Variants in RBFOX1 observed in about 807,000 individuals in gnomAD.
RBFOX1 encodes the protein RNA binding fox-1 homolog 1.
Under a neutral mutation model 57.7 loss-of-function variants are expected in RBFOX1, and 8 were observed. The ratio of observed to expected loss-of-function variants is 0.14; its 90% CI spans 0.08 to 0.25. The LOEUF is 0.25. Ranked by LOEUF, RBFOX1 falls within the 10% of genes least tolerant of loss-of-function variation. The probability of loss-of-function intolerance (pLI) is 1.00; values close to 1 mark genes in which losing one functional copy is unlikely to be tolerated. For missense variants in RBFOX1, 611 were observed against 548.5 expected (o/e 1.11, Z -1.14); for synonymous variants, 326 against 222.4 (o/e 1.47, Z -4.15).
chr16:5,626,957 G>A (rs1023306238), intron 3 of RBFOX1, among the ~76,000 whole-genome samples: 53 of 152,258 alleles, frequency 3.5e-4, no homozygotes, highest in Middle Eastern at 3.4e-3. Flanking sequence ...GCCCCAGTCA[G>A]TTCAGATAAA....
At chr16:7,341,098 A>T (rs2096881993) in intron 4 of RBFOX1, among the ~76,000 whole-genome samples, 1 of 152,006 alleles carries the variant, frequency 6.6e-6, no homozygotes, top group South Asian at 2.1e-4. Flanking sequence ...GTGATTTATG[A>T]TGGAGATACT....
intron 15 of RBFOX1, chr16:7,709,741 T>C (rs1274413924): frequency 2.5e-5 from 9 of 365,916 alleles, no homozygotes; most frequent in Non-Finnish European, 3.1e-5. Context: ...TCTGGGTTTT[T>C]GTTTTGGGAG....
chr16:7,525,149 C>T (rs757133763), intron 5 of RBFOX1, among the ~76,000 whole-genome samples: 1 of 152,146 alleles, frequency 6.6e-6, no homozygotes, highest in African/African-American at 2.4e-5. Flanking sequence ...TATCATCTGT[C>T]TCTAATTCAA....
intron 1 of RBFOX1, among the ~76,000 whole-genome samples, chr16:6,277,087 C>G (rs1419615556): frequency 1.3e-5 from 2 of 152,148 alleles, no homozygotes; most frequent in African/African-American, 2.4e-5. Context: ...AATCCCATCT[C>G]AGTACTGTAC....
At chr16:7,204,807 A>ATTGG (rs1436333492) in intron 4 of RBFOX1, among the ~76,000 whole-genome samples, 2 of 151,780 alleles carry the variant, frequency 1.3e-5, no homozygotes, top group Non-Finnish European at 2.9e-5. Context: ...ATGCAAACTG[A>ATTGG]TTGGTAACTC....
chr16:6,859,340 A>T (rs910699507), intron 3 of RBFOX1, among the ~76,000 whole-genome samples: 1 of 151,540 alleles, frequency 6.6e-6, no homozygotes, highest in African/African-American at 2.4e-5. Flanking sequence ...GAAAGAGTCA[A>T]AAATTCTATG....
intron 3 of RBFOX1, among the ~76,000 whole-genome samples, chr16:6,689,967 T>C (rs139962349): frequency 2.2e-3 from 334 of 152,294 alleles, no homozygotes; most frequent in African/African-American, 7.5e-3. Context: ...CCCCAGAGTA[T>C]AAGGGCAAGC....
intron 2 of RBFOX1, among the ~76,000 whole-genome samples, chr16:6,608,170 C>G (rs10163344): frequency 0.011 from 1,618 of 152,114 alleles, 29 homozygotes; most frequent in African/African-American, 0.036. Context: ...CTTACCAGAC[C>G]TATTTTGAGT....
chr16:7,359,434 T>C (rs1417220801), intron 4 of RBFOX1, among the ~76,000 whole-genome samples: 1 of 152,166 alleles, frequency 6.6e-6, no homozygotes, highest in Non-Finnish European at 1.5e-5. Context: ...CTAGGGAAAA[T>C]AATTTACCTT....
rs558895142 is a variant in RBFOX1, at chr16:6,849,109, C to T, written c.-16+194459C>T. On this transcript the variant is annotated intron_variant, in intron 3 of 15. Coordinates refer to ENST00000550418, the MANE Select transcript of RBFOX1 (RefSeq NM_018723.4). ...GTGCATGAGACGCTCCACATTTCTC[C>T]TTTGTGATTTATATATAATCATCCC... 4.6e-5 allele frequency among the ~76,000 whole-genome samples: 7 copies of T among 152,244 alleles called. No individual in the cohort carries two copies. The South Asian group carries it at 1.2e-3, about 27-fold the overall frequency.
intron 3 of RBFOX1, among the ~76,000 whole-genome samples, chr16:6,976,990 C>T (rs1310786454): frequency 6.8e-6 from 1 of 146,156 alleles, no homozygotes; most frequent in African/African-American, 2.5e-5. Context: ...TCATATATAT[C>T]ACATGCCATA....
chr16:6,261,337 C>T (rs1489260847), intron 1 of RBFOX1, among the ~76,000 whole-genome samples: 1 of 152,208 alleles, frequency 6.6e-6, no homozygotes, highest in Non-Finnish European at 1.5e-5. Flanking sequence ...GTTTTTCCAT[C>T]TTGAGGAAGG....
intron 3 of RBFOX1, among the ~76,000 whole-genome samples, chr16:6,879,629 T>G (rs1311232125): frequency 6.6e-6 from 1 of 152,206 alleles, no homozygotes; most frequent in Non-Finnish European, 1.5e-5. Context: ...TCATGCGATG[T>G]TTTAGGAGCT....
At chr16:6,219,401 T>A (rs2097357113) in intron 1 of RBFOX1, among the ~76,000 whole-genome samples, 1 of 152,116 alleles carries the variant, frequency 6.6e-6, no homozygotes, top group Non-Finnish European at 1.5e-5. Context: ...TGAACCATGG[T>A]TGTGCCACGA....
intron 1 of RBFOX1, among the ~76,000 whole-genome samples, chr16:6,021,978 C>T (rs922881211): frequency 1.3e-5 from 2 of 152,110 alleles, no homozygotes; most frequent in Non-Finnish European, 2.9e-5. Context: ...CCGAGTGGTA[C>T]AGGAAAGGCA....
chr16:5,945,209 AACT>A (rs1475524849), intron 4 of RBFOX1, among the ~76,000 whole-genome samples: 2 of 152,116 alleles, frequency 1.3e-5, no homozygotes, highest in African/African-American at 4.8e-5. Context: ...GGAAGTGAAC[AACT>A]CAGATAAAAA....
chr16:7,397,558 G>A (rs889137909), intron 4 of RBFOX1, among the ~76,000 whole-genome samples: 2 of 152,120 alleles, frequency 1.3e-5, no homozygotes, highest in Non-Finnish European at 2.9e-5. Flanking sequence ...AACTTTGAAA[G>A]TCAGTACCAA....
intron 2 of RBFOX1, among the ~76,000 whole-genome samples, chr16:5,478,358 C>T (rs763627282): frequency 1.3e-5 from 2 of 152,090 alleles, no homozygotes; most frequent in Admixed American, 1.3e-4. Context: ...GGGGGAGTTC[C>T]TGGTGTGCTT....
rs567623340 is a variant in RBFOX1, at chr16:6,799,256, C to T, written c.-16+144606C>T. 2.0e-5 allele frequency among the ~76,000 whole-genome samples: 3 copies of T among 152,132 alleles called. No individual in the cohort carries two copies. In the East Asian group the frequency reaches 5.8e-4, roughly 30 times the overall value. On this transcript the variant is annotated intron_variant, in intron 3 of 15. Transcript: ENST00000550418. ...TGGCTGCTCCATAGACACAGCAGGG[C>T]CACCCCACAGGCCGAGTAGCACTCC...
Sources: gnomAD v4.1 joint callset for allele counts (sites outside exome capture counted in the v4.1 genomes callset) on GRCh38, gnomAD v4.1.1 for gene constraint, MANE v1.5 for transcripts, NCBI Gene and HGNC (gene_info 2026-07-23, HGNC 2026-07-21) for gene names.